Variants in MDGA2 observed in about 807,000 individuals in gnomAD.
MDGA2 encodes MAM domain-containing glycosylphosphatidylinositol anchor protein 2.
MDGA2 carries 40 observed loss-of-function variants against 117.8 expected under a neutral mutation model. The ratio of observed to expected loss-of-function variants is 0.34; its 90% CI spans 0.26 to 0.44. MDGA2 has a LOEUF of 0.44. MDGA2 is among the 20% of genes least tolerant of loss of function. The pLI, the probability that MDGA2 is intolerant of heterozygous loss-of-function variation, is 1.00. For synonymous variants in MDGA2, 452 were observed against 439.0 expected, an observed-to-expected ratio of 1.03 and a Z score of -0.37; for missense variants, 1,123 against 1,250.6, an observed-to-expected ratio of 0.90 and a Z score of 1.54.
At chr14:47,659,908 G>C (rs1594968076) in intron 1 of MDGA2, among the ~76,000 whole-genome samples, 1 of 152,296 alleles carries the variant, frequency 6.6e-6, no homozygotes, top group African/African-American at 2.4e-5. Flanking sequence ...CAAAATGCAT[G>C]ATGGCTCCAC....
At chr14:47,159,431 A>G (rs1220821510) in intron 3 of MDGA2, among the ~76,000 whole-genome samples, 2 of 152,150 alleles carry the variant, frequency 1.3e-5, no homozygotes, top group Non-Finnish European at 2.9e-5. Flanking sequence ...CTGGTCATGA[A>G]TGTTTTCTAA....
intron 1 of MDGA2, among the ~76,000 whole-genome samples, chr14:47,367,525 GT>G (rs1891256925): frequency 6.6e-6 from 1 of 152,126 alleles, no homozygotes; most frequent in Non-Finnish European, 1.5e-5. Context: ...TGTTTCGCAG[GT>G]AACCAAATGC....
rs553805675 is a variant in MDGA2, at chr14:47,114,364, A to G, written c.926-17241T>C. ...TCATCCTGCCCAATATAATTTATAC[A>G]TTCAATGCTATTCTAATTAAACTAC... is the stretch of plus-strand genomic sequence containing the variant. On this transcript the variant is annotated intron_variant, in intron 5 of 16. Transcript: ENST00000399232. Among the ~76,000 whole-genome samples the G allele has an allele frequency of 2.6e-5, 4 of 152,280 alleles. No homozygotes were observed. In the South Asian group the frequency reaches 8.3e-4, roughly 32 times the overall value.
At chr14:47,082,955 A>G (rs985329178) in intron 6 of MDGA2, among the ~76,000 whole-genome samples, 1 of 152,088 alleles carries the variant, frequency 6.6e-6, no homozygotes, top group East Asian at 1.9e-4. Flanking sequence ...AAATATGTCT[A>G]CTAGTAGATT....
Position 46,887,676 on chromosome 14 carries a change from T to C in MDGA2, c.2239-5455A>G, listed in dbSNP as rs1030799423. On this transcript the variant is annotated intron_variant, in intron 10 of 16. Coordinates refer to ENST00000399232, the MANE Select transcript of MDGA2 (RefSeq NM_001113498.3). ...CTTTCAGATAAGCATGCATAGTTAA[T>C]ACTAGGTATTATGAAGCTTCTATTA... 3.9e-5 allele frequency among the ~76,000 whole-genome samples: 6 copies of C among 152,008 alleles called. No individual in the cohort carries two copies. The South Asian group carries it at 1.2e-3, about 32-fold the overall frequency.
chr14:46,938,535 C>A (rs1884869441), intron 9 of MDGA2, among the ~76,000 whole-genome samples: 3 of 30,404 alleles, frequency 9.9e-5, no homozygotes, highest in South Asian at 1.5e-3. Flanking sequence ...AACGAAAATC[C>A]ATCTCAAAAA....
Position 47,634,948 on chromosome 14 carries a change from A to C in MDGA2, c.280+39569T>G, listed in dbSNP as rs139607514. Among the ~76,000 whole-genome samples, 588 of 152,218 alleles carry C rather than the reference A, an allele frequency of 3.9e-3. 5 individuals carry two copies. Among genetic ancestry groups the C allele is most frequent in the South Asian group, 6.8e-3 (33 of 4,820 alleles). ...AAAAATCATAGTTTAACACTTCTTT[A>C]ATAAACTGTGTGACCTCAGGCAAGT... On this transcript the variant is annotated intron_variant, in intron 1 of 16. Coordinates refer to ENST00000399232, the MANE Select transcript of MDGA2 (RefSeq NM_001113498.3).
At chr14:47,112,207 A>C (rs956416952) in intron 5 of MDGA2, among the ~76,000 whole-genome samples, 16 of 152,288 alleles carry the variant, frequency 1.1e-4, no homozygotes, top group South Asian at 4.1e-4. Context: ...GGGAGACAGA[A>C]TGAGAAAATT....
chr14:47,491,955 A>C (rs971824924), intron 1 of MDGA2, among the ~76,000 whole-genome samples: 1 of 152,130 alleles, frequency 6.6e-6, no homozygotes, highest in East Asian at 1.9e-4. Flanking sequence ...TTCTATAATT[A>C]AATAAATTAT....
chr14:47,294,801 G>T (rs886743432), intron 2 of MDGA2, among the ~76,000 whole-genome samples: 1 of 152,006 alleles, frequency 6.6e-6, no homozygotes, highest in African/African-American at 2.4e-5. Flanking sequence ...AGCACTAATG[G>T]TTTCAAACTG....
At chr14:47,269,498 A>T (rs1566712652) in intron 2 of MDGA2, among the ~76,000 whole-genome samples, 1 of 152,142 alleles carries the variant, frequency 6.6e-6, no homozygotes, top group South Asian at 2.1e-4. Flanking sequence ...AGTAGTAATA[A>T]CTCATTCTAA....
chr14:46,992,741 C>T (rs1475711825), intron 8 of MDGA2, among the ~76,000 whole-genome samples: 1 of 152,066 alleles, frequency 6.6e-6, no homozygotes, highest in Non-Finnish European at 1.5e-5. Flanking sequence ...AAAATGAGCA[C>T]AGCTGTGTAA....
intron 1 of MDGA2, among the ~76,000 whole-genome samples, chr14:47,659,042 C>T (rs2138286974): frequency 6.6e-6 from 1 of 152,240 alleles, no homozygotes; most frequent in Non-Finnish European, 1.5e-5. Flanking sequence ...GGTCGGTTTC[C>T]TGGAGAAGTC....
chr14:47,421,128 A>G (rs1167562500), intron 1 of MDGA2, among the ~76,000 whole-genome samples: 2 of 152,094 alleles, frequency 1.3e-5, no homozygotes, highest in Non-Finnish European at 2.9e-5. Flanking sequence ...CCCTAATATA[A>G]TCTAGGAACC....
chr14:47,312,064 A>T (rs192175722), intron 1 of MDGA2, among the ~76,000 whole-genome samples: 113 of 152,314 alleles, frequency 7.4e-4, no homozygotes, highest in African/African-American at 2.4e-3. Flanking sequence ...AATGTGAAAC[A>T]TAAGCAATTA....
intron 5 of MDGA2, among the ~76,000 whole-genome samples, chr14:47,101,084 G>C (rs180982169): frequency 1.9e-5 from 2 of 105,220 alleles, no homozygotes; most frequent in South Asian, 5.7e-4. Flanking sequence ...ACGATAGATA[G>C]ATAGATAGAT....
At chr14:47,426,415 C>T (rs1892690236) in intron 1 of MDGA2, among the ~76,000 whole-genome samples, 1 of 151,742 alleles carries the variant, frequency 6.6e-6, no homozygotes, top group Non-Finnish European at 1.5e-5. Flanking sequence ...TGAGCCCTTT[C>T]TTTTCTTTAA....
intron 1 of MDGA2, among the ~76,000 whole-genome samples, chr14:47,520,442 T>G (rs1894845909): frequency 6.6e-6 from 1 of 152,200 alleles, no homozygotes; most frequent in African/African-American, 2.4e-5. Flanking sequence ...AAGAGGCTGA[T>G]GTCAATGATA....
intron 3 of MDGA2, among the ~76,000 whole-genome samples, chr14:47,210,594 G>C (rs577733098): frequency 6.6e-6 from 1 of 152,194 alleles, no homozygotes; most frequent in South Asian, 2.1e-4. Context: ...TTCCTACCTA[G>C]GATATACTCT....
Sources: gnomAD v4.1 joint callset for allele counts (sites outside exome capture counted in the v4.1 genomes callset) on GRCh38, gnomAD v4.1.1 for gene constraint, MANE v1.5 for transcripts, NCBI Gene and HGNC (gene_info 2026-07-23, HGNC 2026-07-21) for gene names.